SLC16A5: variants seen among roughly 807,000 people sequenced by gnomAD.
SLC16A5 encodes solute carrier family 16 member 5.
A neutral mutation model predicts 33.2 loss-of-function variants in SLC16A5; 29 were observed. The ratio of observed to expected loss-of-function variants is 0.87; its 90% CI spans 0.65 to 1.19. The LOEUF (loss-of-function observed/expected upper bound fraction) is 1.19, where lower values mean the gene tolerates loss of function less well. Ranked by LOEUF, SLC16A5 falls within the 50% of genes most tolerant of loss-of-function variation. The probability of loss-of-function intolerance (pLI) is 0.00; values close to 1 mark genes in which losing one functional copy is unlikely to be tolerated. For synonymous variants in SLC16A5, 248 were observed against 284.1 expected, an observed-to-expected ratio of 0.87 and a Z score of 1.28; for missense variants, 606 against 678.2, an observed-to-expected ratio of 0.89 and a Z score of 1.18.
upstream of SLC16A5, chr17:75,087,834 C>G (rs1042437890): frequency 1.3e-5 from 2 of 152,622 alleles, no homozygotes; most frequent in Non-Finnish European, 2.9e-5. Context: ...CCCGGCCACG[C>G]CCGCCGCCCC....
chr17:75,101,561 GAAAAAAAA>G (rs531652324), intron 5 of SLC16A5, among the ~76,000 whole-genome samples: 77 of 45,670 alleles, frequency 1.7e-3, no homozygotes, highest in Non-Finnish European at 3.0e-3. Context: ...GACTCCATCT[GAAAAAAAA>G]AAAAAAAAAA....
chr17:75,095,871 G>A lies in SLC16A5; in HGVS notation c.199+2036G>A, dbSNP rs370277033. On this transcript the variant is annotated intron_variant, in intron 3 of 6. Coordinates refer to ENST00000329783, the MANE Select transcript of SLC16A5 (RefSeq NM_004695.4). ...AGACGGGGTTTCACCGTGTTAGCCA[G>A]GATGGTCTCGATCTCCTGACCTCAT... Among the ~76,000 whole-genome samples the A allele has an allele frequency of 9.5e-4, 144 of 151,910 alleles. 4 individuals are homozygous for A. Among genetic ancestry groups the A allele is most frequent in the African/African-American group, 3.4e-3 (140 of 41,204 alleles).
At chr17:75,094,500 A>C (rs1037686767) in intron 3 of SLC16A5, among the ~76,000 whole-genome samples, 12 of 152,138 alleles carry the variant, frequency 7.9e-5, no homozygotes, top group Non-Finnish European at 1.8e-4. Context: ...CAGCCTGACC[A>C]ACATGGAGAA....
intron 4 of SLC16A5, among the ~76,000 whole-genome samples, chr17:75,099,205 G>T (rs1046410144): frequency 6.6e-6 from 1 of 152,168 alleles, no homozygotes; most frequent in African/African-American, 2.4e-5. Context: ...ATAACCCGAG[G>T]TAGGGGCAGC....
At chr17:75,089,814 G>A (rs972707914) in intron 2 of SLC16A5, 2 of 151,512 alleles carry the variant, frequency 1.3e-5, no homozygotes, top group African/African-American at 4.9e-5. Flanking sequence ...CCAGCCTGGG[G>A]TGGGAGTCAG....
intron 4 of SLC16A5, among the ~76,000 whole-genome samples, chr17:75,099,069 G>A (rs1359115643): frequency 3.3e-5 from 5 of 152,204 alleles, no homozygotes; most frequent in Non-Finnish European, 5.9e-5. Flanking sequence ...GCATGCTCAG[G>A]TGTGCAGGTG....
At chr17:75,107,065 C>T (rs1414976541), downstream of SLC16A5, among the ~76,000 whole-genome samples, 1 of 151,460 alleles carries the variant, frequency 6.6e-6, no homozygotes, top group Non-Finnish European at 1.5e-5. Context: ...AATCCCAACA[C>T]TTTGGAAGGC....
Position 75,100,023 on chromosome 17 carries a change from C to G in SLC16A5, c.360C>G (p.Phe120Leu). ...AGFITGLGMC[F>L]SFQSSITVLG... ...GCCCCGCAGGCCTGGGCATGTGCTTCAGCTTCCAGTCAAGCATCACGGTGC... is the reference window on the plus strand; with the variant it reads ...GCCCCGCAGGCCTGGGCATGTGCTTGAGCTTCCAGTCAAGCATCACGGTGC... Residue 120 changes from phenylalanine to leucine, a missense_variant, in exon 5 of 7, where the codon TTC becomes TTG. Transcript: ENST00000329783. The G allele has an allele frequency of 1.2e-6, 2 of 1,611,308 alleles. No homozygotes were observed. The highest frequency in any genetic ancestry group is 2.2e-5 in the South Asian group (2 of 91,002).
At chr17:75,096,179 AC>A in intron 3 of SLC16A5, among the ~76,000 whole-genome samples, 1 of 151,766 alleles carries the variant, frequency 6.6e-6, no homozygotes, top group Non-Finnish European at 1.5e-5. Flanking sequence ...CCCTGCCCCT[AC>A]CTACGCCTTT....
At chr17:75,104,480 C>T (rs1307813826) in intron 6 of SLC16A5, 3 of 1,139,094 alleles carry the variant, frequency 2.6e-6, no homozygotes, top group Non-Finnish European at 3.3e-6. Flanking sequence ...AGTGCAGTGG[C>T]ACCATCTCGG....
At position 75,098,084 on chromosome 17, in the gene SLC16A5, C is replaced by G; in HGVS notation, c.246C>G (p.Thr82=). ...ILVGRFGCRV[T]VMLGGVLASL... is the part of the protein sequence containing the mutation. ...TGGGACGCTTCGGCTGCCGAGTGAC[C>G]GTGATGCTGGGGGGCGTGCTGGCCA... The change falls in exon 4 of 7, where the codon ACC becomes ACG. Residue 82 remains threonine (T), a synonymous_variant. Transcript: ENST00000329783. 1 of 1,609,342 alleles carries G rather than the reference C, an allele frequency of 6.2e-7. No homozygotes were observed. Among genetic ancestry groups the G allele is most frequent in the Non-Finnish European group, 8.5e-7 (1 of 1,178,166 alleles).
In SLC16A5 at chr17:75,093,615, G is replaced by A. The variant is rs369442587; in HGVS notation, c.-22G>A. On this transcript the variant is annotated 5_prime_UTR_variant, in exon 3 of 7. The change creates a new upstream start codon in the 5' untranslated region. Coordinates refer to ENST00000329783, the MANE Select transcript of SLC16A5 (RefSeq NM_004695.4). The stretch of plus-strand genomic sequence containing the variant: ...CAGCAGCCACATTGGCAGTGAGGCC[G>A]TGGCAGCGTCGGCAGCAGAGGATGC... The A allele has an allele frequency of 1.1e-5, 17 of 1,600,202 alleles. No individual in the cohort carries two copies. Among genetic ancestry groups the A allele is most frequent in the Admixed American group, 6.7e-5 (4 of 59,358 alleles).
chr17:75,098,411 C>T (rs2073748578), intron 4 of SLC16A5, among the ~76,000 whole-genome samples: 1 of 151,782 alleles, frequency 6.6e-6, no homozygotes, highest in Non-Finnish European at 1.5e-5. Flanking sequence ...AAAAAAAATA[C>T]AAAAATTAGC....
rs1389158362 is a variant in SLC16A5 at position 75,106,058 on chromosome 17, T to G, written c.*25T>G. The G allele has an allele frequency of 7.7e-7, 1 of 1,296,448 alleles. No homozygotes were observed. Among genetic ancestry groups the G allele is most frequent in the African/African-American group, 1.5e-5 (1 of 68,212 alleles). 80.3% of individuals were successfully genotyped at this position (1,296,448 alleles called of 1,614,324 possible). On this transcript the variant is annotated 3_prime_UTR_variant, in exon 7 of 7. Transcript: ENST00000329783. ...AGTGCCCTGTTTGACTCCGCCACTA[T>G]CTGCCATGTGAGTTGGGCAAATTGT...
At chr17:75,088,730 A>C (rs1459872602) in intron 1 of SLC16A5, among the ~76,000 whole-genome samples, 1 of 152,080 alleles carries the variant, frequency 6.6e-6, no homozygotes, top group African/African-American at 2.4e-5. Context: ...AGAGCTGGGA[A>C]GAAGAAGAGG....
chr17:75,092,256 G>A (rs1226075637), intron 2 of SLC16A5, among the ~76,000 whole-genome samples: 8 of 151,826 alleles, frequency 5.3e-5, no homozygotes, highest in Admixed American at 6.6e-5. Context: ...TGTGTGTGAC[G>A]GTACATATCT....
At chr17:75,104,390 G>A (rs997672646) in intron 6 of SLC16A5, 2 of 1,389,678 alleles carry the variant, frequency 1.4e-6, no homozygotes, top group Non-Finnish European at 1.9e-6. Context: ...TTGGAGGCTG[G>A]CCTCTGAAGA....
chr17:75,103,954 G>T lies in SLC16A5; in HGVS notation c.1154-16G>T. 2 of 1,612,256 alleles carry T rather than the reference G, an allele frequency of 1.2e-6. No individual in the cohort carries two copies. Among genetic ancestry groups the T allele is most frequent in the South Asian group, 2.2e-5 (2 of 90,920 alleles). On this transcript the variant is annotated splice_polypyrimidine_tract_variant and intron_variant, in intron 5 of 6. Transcript: ENST00000329783. ...AGGCCTGGTAGCACTGGCCTAACTT[G>T]ATCTCTGTTCCCCAGGGTTGCTCCT...
intron 5 of SLC16A5, 31 bp from the exon 6 acceptor site, chr17:75,103,939 G>A: frequency 3.1e-6 from 5 of 1,590,480 alleles, no homozygotes; most frequent in Non-Finnish European, 3.5e-6. Context: ...AGGCCTGGTA[G>A]CACTGGCCTA....
Sources: gnomAD v4.1 joint callset for allele counts (sites outside exome capture counted in the v4.1 genomes callset) on GRCh38, gnomAD v4.1.1 for gene constraint, MANE v1.5 for transcripts, NCBI Gene and HGNC (gene_info 2026-07-23, HGNC 2026-07-21) for gene names.